The following GALNT13 variants were observed in gnomAD, a reference collection of about 807,000 sequenced individuals.
GALNT13 encodes polypeptide N-acetylgalactosaminyltransferase 13.
A neutral mutation model predicts 64.2 loss-of-function variants in GALNT13; 28 were observed. The observed-to-expected ratio is 0.44, with a 90% CI of 0.32 to 0.60. GALNT13 has a LOEUF of 0.60. GALNT13 is among the 20% of genes least tolerant of loss of function. GALNT13 has a pLI of 0.05. For missense variants in GALNT13, 577 were observed against 669.8 expected (o/e 0.86, Z 1.53); for synonymous variants, 214 against 224.6 (o/e 0.95, Z 0.42).
chr2:153,446,327 A>G, the GALNT13 span, among the ~76,000 whole-genome samples: 62 of 152,336 alleles, frequency 4.1e-4, no homozygotes, highest in African/African-American at 1.4e-3. Context: ...GAACTAAGGA[A>G]GTGTATAGTA....
At chr2:154,404,595 T>C (rs1271314030) in intron 10 of GALNT13, among the ~76,000 whole-genome samples, 6 of 152,100 alleles carry the variant, frequency 3.9e-5, no homozygotes, top group Admixed American at 3.9e-4. Context: ...AATTGGATAA[T>C]AGTAGCTGAA....
At chr2:153,267,703 C>A in the GALNT13 span, among the ~76,000 whole-genome samples, 1 of 151,772 alleles carries the variant, frequency 6.6e-6, no homozygotes, top group Non-Finnish European at 1.5e-5. Flanking sequence ...CTCTGATATG[C>A]CCTGGAGGCA....
intron 4 of GALNT13, among the ~76,000 whole-genome samples, chr2:154,142,580 A>G (rs2112005): frequency 6.7e-6 from 1 of 149,714 alleles, no homozygotes; most frequent in Admixed American, 6.7e-5. Flanking sequence ...AAAAGAAAGG[A>G]AAAGAAAAAA....
the GALNT13 span, among the ~76,000 whole-genome samples, chr2:153,353,796 T>G: frequency 6.6e-6 from 1 of 152,196 alleles, no homozygotes; most frequent in Non-Finnish European, 1.5e-5. Flanking sequence ...CTGGAATAAT[T>G]GCTACTTAGT....
chr2:153,468,102 C>A, the GALNT13 span, among the ~76,000 whole-genome samples: 1 of 151,880 alleles, frequency 6.6e-6, no homozygotes, highest in Non-Finnish European at 1.5e-5. Context: ...GAAGACAATG[C>A]TCTTGGTGGT....
the GALNT13 span, among the ~76,000 whole-genome samples, chr2:153,609,722 T>C: frequency 1.3e-5 from 2 of 152,166 alleles, no homozygotes; most frequent in African/African-American, 4.8e-5. Flanking sequence ...GCAAACCTTA[T>C]TTGATCTCAA....
At chr2:154,241,646 G>T (rs937869104) in intron 4 of GALNT13, among the ~76,000 whole-genome samples, 1 of 152,122 alleles carries the variant, frequency 6.6e-6, no homozygotes, top group Non-Finnish European at 1.5e-5. Context: ...GTCTGTTTAT[G>T]TTCCTATGAC....
chr2:154,089,390 G>C (rs1470960611), intron 3 of GALNT13, among the ~76,000 whole-genome samples: 1 of 152,070 alleles, frequency 6.6e-6, no homozygotes, highest in Non-Finnish European at 1.5e-5. Flanking sequence ...TGAGTGAGTA[G>C]AGGCAAGGGT....
chr2:153,908,196 T>C (rs890197737), intron 2 of GALNT13, among the ~76,000 whole-genome samples: 3 of 151,840 alleles, frequency 2.0e-5, no homozygotes, highest in African/African-American at 7.2e-5. Flanking sequence ...TTGCCACATT[T>C]ATGAAAAGTG....
intron 3 of GALNT13, among the ~76,000 whole-genome samples, chr2:154,059,384 A>T (rs1700059314): frequency 6.6e-6 from 1 of 152,238 alleles, no homozygotes; most frequent in Admixed American, 6.5e-5. Flanking sequence ...CCATGGCTGC[A>T]AGGAGCGTGA....
At chr2:153,644,583 A>T in the GALNT13 span, among the ~76,000 whole-genome samples, 1 of 151,932 alleles carries the variant, frequency 6.6e-6, no homozygotes, top group East Asian at 1.9e-4. Flanking sequence ...TCAGCATACT[A>T]CTTGTCCTGG....
At chr2:153,857,801 C>T in the GALNT13 span, among the ~76,000 whole-genome samples, 1 of 152,066 alleles carries the variant, frequency 6.6e-6, no homozygotes, top group Non-Finnish European at 1.5e-5. Context: ...GTATGTGATC[C>T]TGAGCAAACT....
At chr2:153,778,853 T>C in the GALNT13 span, among the ~76,000 whole-genome samples, 4 of 152,336 alleles carry the variant, frequency 2.6e-5, no homozygotes, top group Admixed American at 6.5e-5. Context: ...TTTTTCTTCA[T>C]TATTTTTCTG....
chr2:153,706,922 C>T, the GALNT13 span, among the ~76,000 whole-genome samples: 1 of 152,126 alleles, frequency 6.6e-6, no homozygotes, highest in Non-Finnish European at 1.5e-5. Flanking sequence ...CAAATCTCAT[C>T]TTGAATTTGT....
At chr2:154,209,394 T>A (rs1687646221) in intron 4 of GALNT13, among the ~76,000 whole-genome samples, 1 of 152,170 alleles carries the variant, frequency 6.6e-6, no homozygotes, top group Non-Finnish European at 1.5e-5. Context: ...TTCATGATAT[T>A]TCAGGGAATA....
intron 11 of GALNT13, among the ~76,000 whole-genome samples, chr2:154,411,504 G>T (rs1435698172): frequency 6.6e-6 from 1 of 151,740 alleles, no homozygotes; most frequent in African/African-American, 2.4e-5. Context: ...AGGTCTGCAT[G>T]TGTGTCACTA....
the GALNT13 span, among the ~76,000 whole-genome samples, chr2:153,300,076 C>T: frequency 6.6e-6 from 1 of 152,150 alleles, no homozygotes; most frequent in Admixed American, 6.5e-5. Flanking sequence ...TGTTAGGAAA[C>T]AGCTAATGTG....
chr2:153,327,768 T>C, the GALNT13 span, among the ~76,000 whole-genome samples: 1 of 152,042 alleles, frequency 6.6e-6, no homozygotes, highest in South Asian at 2.1e-4. Context: ...GAGTTTGTTA[T>C]TACCCACCTT....
the GALNT13 span, among the ~76,000 whole-genome samples, chr2:153,290,363 A>G: frequency 7.2e-4 from 110 of 152,326 alleles, no homozygotes; most frequent in Middle Eastern, 3.4e-3. Flanking sequence ...TTAAAGTTCA[A>G]GAAACATTGC....
Sources: gnomAD v4.1 joint callset for allele counts (sites outside exome capture counted in the v4.1 genomes callset) on GRCh38, gnomAD v4.1.1 for gene constraint, MANE v1.5 for transcripts, NCBI Gene and HGNC (gene_info 2026-07-23, HGNC 2026-07-21) for gene names.